Variants in ABCB5 observed in about 807,000 individuals in gnomAD.
ABCB5 encodes the protein ATP binding cassette subfamily B member 5.
Under a neutral mutation model 144.2 loss-of-function variants are expected in ABCB5, and 155 were observed. The ratio of observed to expected loss-of-function variants is 1.08; its 90% CI spans 0.94 to 1.23. ABCB5 has a LOEUF of 1.23. Ranked by LOEUF, ABCB5 falls within the 50% of genes most tolerant of loss-of-function variation. The pLI is 0.00. For missense variants in ABCB5, 1,830 were observed against 1,520.8 expected (o/e 1.20, Z -3.38); for synonymous variants, 610 against 528.6 (o/e 1.15, Z -2.11).
Position 20,745,265 on chromosome 7 carries a change from G to A in ABCB5, c.3256G>A (p.Val1086Ile), listed in dbSNP as rs377230083. The change falls in exon 26 of 28, where the codon GTA (valine) becomes ATA (isoleucine). Residue 1086 changes from valine (V) to isoleucine (I), a missense_variant. Transcript: ENST00000404938. Reference sequence around the variant, plus strand: ...TGGTGTGGATGCAAAAGAATTGAATGTACAGTGGCTCCGTTCCCAAATAGC... The same window carrying A: ...TGGTGTGGATGCAAAAGAATTGAATATACAGTGGCTCCGTTCCCAAATAGC... ...FDGVDAKELN[V>I]QWLRSQIAIV... The A allele has an allele frequency of 2.5e-5, 40 of 1,613,846 alleles. No individual in the cohort carries two copies. Among genetic ancestry groups the A allele is most frequent in the Non-Finnish European group, 3.1e-5 (36 of 1,179,892 alleles).
chr7:20,744,625 G>A (rs929432755), intron 25 of ABCB5, among the ~76,000 whole-genome samples: 4 of 150,874 alleles, frequency 2.7e-5, no homozygotes, highest in African/African-American at 9.8e-5. Context: ...CATGGGGGGA[G>A]GGGGGAGGGA....
intron 1 of ABCB5, 56 bp from the exon 2 acceptor site, chr7:20,623,209 C>T: frequency 9.7e-7 from 1 of 1,032,760 alleles, no homozygotes; most frequent in Non-Finnish European, 1.5e-6. Context: ...TGCTGTATAT[C>T]AACTAAGTGA....
At chr7:20,688,975 G>T (rs963830549) in intron 16 of ABCB5, among the ~76,000 whole-genome samples, 1 of 151,736 alleles carries the variant, frequency 6.6e-6, no homozygotes, top group African/African-American at 2.4e-5. Context: ...GGTGGGGTGG[G>T]GAGAGGGGGG....
chr7:20,661,376 G>T (rs1784996849), intron 14 of ABCB5, among the ~76,000 whole-genome samples: 2 of 152,050 alleles, frequency 1.3e-5, no homozygotes, highest in South Asian at 4.2e-4. Flanking sequence ...TAAACTCTCT[G>T]GTGGTGAAGG....
intron 13 of ABCB5, among the ~76,000 whole-genome samples, 182 bp from the exon 14 acceptor site, chr7:20,658,324 G>GTT (rs1338322170): frequency 7.6e-6 from 1 of 132,218 alleles, no homozygotes; most frequent in African/African-American, 2.9e-5. Flanking sequence ...TCTTCTTTGG[G>GTT]CTCTTTTTTT....
At chr7:20,736,468 G>A (rs572770759) in intron 23 of ABCB5, among the ~76,000 whole-genome samples, 4 of 152,118 alleles carry the variant, frequency 2.6e-5, no homozygotes, top group African/African-American at 9.6e-5. Flanking sequence ...CACCCACCTC[G>A]GCCTCCCAAA....
At chr7:20,644,255 T>G (rs1562534748) in intron 7 of ABCB5, among the ~76,000 whole-genome samples, 1 of 152,082 alleles carries the variant, frequency 6.6e-6, no homozygotes, top group Non-Finnish European at 1.5e-5. Flanking sequence ...ACTTTTGTAT[T>G]TTTTGTAGAG....
At chr7:20,730,713 T>G (rs1027451184) in intron 23 of ABCB5, among the ~76,000 whole-genome samples, 3 of 152,166 alleles carry the variant, frequency 2.0e-5, no homozygotes, top group African/African-American at 7.2e-5. Context: ...ATAATTCAGC[T>G]CACCAGCCCC....
At chr7:20,664,312 C>T (rs1293905937) in intron 14 of ABCB5, among the ~76,000 whole-genome samples, 1 of 152,146 alleles carries the variant, frequency 6.6e-6, no homozygotes, top group East Asian at 1.9e-4. Context: ...TCGAAGCTCT[C>T]ATGTGGGTTA....
chr7:20,681,787 A>G (rs75253515), intron 15 of ABCB5, 121 bp downstream of exon 15: 24,381 of 1,110,994 alleles, frequency 0.022, 312 homozygotes, highest in Non-Finnish European at 0.027. Flanking sequence ...CAAGGTTTAT[A>G]GTTCCTCAGT....
At position 20,623,338 on chromosome 7, in the gene ABCB5, G is replaced by C. The variant is rs185876249; in HGVS notation, c.53G>C (p.Gly18Ala). The change falls in exon 2 of 28, where the codon GGA becomes GCA. Residue 18 changes from glycine to alanine, a missense_variant and splice_region_variant. By Grantham distance (60) the Gly-to-Ala change is moderately conservative. Coordinates refer to ENST00000404938, the MANE Select transcript of ABCB5 (RefSeq NM_001163941.2). ...EEMQENYQRN[G>A]TAEEQPKLRK... is the part of the protein sequence containing the mutation. ...ATGCAAGAAAATTATCAGAGAAATG[G>C]GTAAGCTCTCACTAAGTTCTGTAAG... 224 of 1,548,538 alleles carry C rather than the reference G, an allele frequency of 1.4e-4. 3 individuals carry two copies. Among genetic ancestry groups the C allele is most frequent in the Non-Finnish European group, 1.3e-4 (152 of 1,143,670 alleles).
At chr7:20,628,621 G>GTT in intron 3 of ABCB5, 67 bp from the exon 4 acceptor site, 1 of 1,518,622 alleles carries the variant, frequency 6.6e-7, no homozygotes, top group Non-Finnish European at 9.0e-7. Flanking sequence ...TGTTGTGTGT[G>GTT]TGTGTGTGTG....
chr7:20,640,711 AC>A lies in ABCB5; in HGVS notation c.315-2471del, dbSNP rs546782014. Among the ~76,000 whole-genome samples the A allele has an allele frequency of 2.8e-4, 43 of 152,342 alleles. No homozygotes were observed. The East Asian group carries it at 8.1e-3, about 29-fold the overall frequency. On this transcript the variant is annotated intron_variant, in intron 5 of 27. Coordinates refer to ENST00000404938, the MANE Select transcript of ABCB5 (RefSeq NM_001163941.2). ...GCCACTCTGTGCATGTCCATAAATAACCATGAAAACACCACAAGTATTGACT... is the reference window on the plus strand; with the variant it reads ...GCCACTCTGTGCATGTCCATAAATAACATGAAAACACCACAAGTATTGACT...
At chr7:20,708,157 T>C (rs1786885568) in intron 20 of ABCB5, among the ~76,000 whole-genome samples, 1 of 152,178 alleles carries the variant, frequency 6.6e-6, no homozygotes, top group South Asian at 2.1e-4. Context: ...TAAAACAACT[T>C]GACATTACTT....
At chr7:20,725,066 CT>C (rs1157978002) in intron 21 of ABCB5, among the ~76,000 whole-genome samples, 3 of 152,098 alleles carry the variant, frequency 2.0e-5, no homozygotes, top group Non-Finnish European at 4.4e-5. Context: ...TGAGCTTTTG[CT>C]GTATATGTGC....
chr7:20,656,912 CTT>C (rs749816471), intron 13 of ABCB5, among the ~76,000 whole-genome samples: 3 of 58,578 alleles, frequency 5.1e-5, no homozygotes, highest in Non-Finnish European at 6.4e-5. Flanking sequence ...TTTCCTTTTT[CTT>C]TTTTTTTTTT....
intron 14 of ABCB5, among the ~76,000 whole-genome samples, chr7:20,675,010 A>C (rs1785559130): frequency 6.6e-6 from 1 of 151,956 alleles, no homozygotes; most frequent in Non-Finnish European, 1.5e-5. Context: ...GAAGACACAA[A>C]TAAAATACAT....
intron 24 of ABCB5, among the ~76,000 whole-genome samples, chr7:20,741,080 G>A (rs536999599): frequency 4.0e-5 from 6 of 149,386 alleles, no homozygotes; most frequent in African/African-American, 1.5e-4. Flanking sequence ...TCCAGCCTGG[G>A]TGACAGAGCG....
At chr7:20,643,853 T>C (rs1784347910) in intron 7 of ABCB5, among the ~76,000 whole-genome samples, 1 of 152,252 alleles carries the variant, frequency 6.6e-6, no homozygotes, top group African/African-American at 2.4e-5. Context: ...TTACTAACAT[T>C]GAAAACATTT....
Sources: allele counts gnomAD v4.1 joint callset (sites outside exome capture counted in the v4.1 genomes callset), GRCh38; gene constraint gnomAD v4.1.1; transcripts MANE v1.5; gene names NCBI Gene and HGNC (gene_info 2026-07-23, HGNC 2026-07-21).